The following KIF13A variants were observed in gnomAD, a reference collection of about 807,000 sequenced individuals.
KIF13A encodes kinesin-like protein KIF13A.
A neutral mutation model predicts 212.2 loss-of-function variants in KIF13A; 79 were observed. The observed-to-expected ratio is 0.37, with a 90% CI of 0.31 to 0.45. The LOEUF (loss-of-function observed/expected upper bound fraction) is 0.45. Among genes scored for constraint, KIF13A ranks in the 20% least tolerant of loss-of-function variants. The pLI is 1.00. For synonymous variants in KIF13A, 789 were observed against 808.6 expected, an observed-to-expected ratio of 0.98 and a Z score of 0.41; for missense variants, 1,901 against 2,209.0, an observed-to-expected ratio of 0.86 and a Z score of 2.79.
At chr6:17,939,857 G>A (rs964100372) in intron 2 of KIF13A, among the ~76,000 whole-genome samples, 4 of 151,820 alleles carry the variant, frequency 2.6e-5, no homozygotes, top group Non-Finnish European at 4.4e-5. Flanking sequence ...TTGAGACCAC[G>A]GTGAAACCCC....
chr6:17,803,883 T>C (rs1253470526), intron 20 of KIF13A, among the ~76,000 whole-genome samples: 4 of 152,244 alleles, frequency 2.6e-5, no homozygotes, highest in Admixed American at 1.3e-4. Context: ...CCAGGCACCG[T>C]GGCTCACGCC....
Position 17,843,829 on chromosome 6 carries a change from G to A in KIF13A, c.830+5548C>T, listed in dbSNP as rs140420262. 4.0e-3 allele frequency among the ~76,000 whole-genome samples: 613 copies of A among 152,264 alleles called. 6 individuals carry two copies. The highest frequency in any genetic ancestry group is 0.014 in the African/African-American group (599 of 41,542). ...GGAGGCCGAGGGGGGCACATCACCT[G>A]AGGTCAGGAGTTTGAGACCAGCCTG... On this transcript the variant is annotated intron_variant, in intron 9 of 38. Transcript: ENST00000259711. The surrounding 1 kb of genome is among the most constrained non-coding windows in gnomAD (Gnocchi z 5.3).
chr6:17,876,990 A>G (rs1770619657), intron 3 of KIF13A, among the ~76,000 whole-genome samples: 1 of 152,150 alleles, frequency 6.6e-6, no homozygotes, highest in Admixed American at 6.5e-5. Flanking sequence ...CAGGATCCAT[A>G]TCGAATTCAT....
rs1766072225 is a variant in KIF13A at position 17,837,455 on chromosome 6, C to T, written c.942+17G>A. The T allele has an allele frequency of 2.6e-6, 4 of 1,554,186 alleles. No individual in the cohort carries two copies. The East Asian group carries it at 9.1e-5, about 35-fold the overall frequency. On this transcript the variant is annotated intron_variant, in intron 10 of 38. Coordinates refer to ENST00000259711, the MANE Select transcript of KIF13A (RefSeq NM_022113.6). The surrounding 1 kb of genome is among the most constrained non-coding windows in gnomAD (Gnocchi z 5.4). Reference sequence around the variant, plus strand: ...GCCAATTTTTAGTTGGAAAAGAACACTAGAGCAATGGATTACCTTAAGCAG... The same window carrying T: ...GCCAATTTTTAGTTGGAAAAGAACATTAGAGCAATGGATTACCTTAAGCAG...
intron 4 of KIF13A, among the ~76,000 whole-genome samples, chr6:17,862,509 T>TA (rs1768895858): frequency 6.6e-6 from 1 of 151,954 alleles, no homozygotes; most frequent in African/African-American, 2.4e-5. Flanking sequence ...ATTTCAAAGA[T>TA]AAAAGGAAAA....
rs113806081 is a variant in KIF13A, at chr6:17,920,065, T to C, written c.147-21885A>G. Among the ~76,000 whole-genome samples the C allele has an allele frequency of 7.3e-3, 1,110 of 152,316 alleles. 18 individuals carry two copies. Among genetic ancestry groups the C allele is most frequent in the African/African-American group, 0.025 (1,042 of 41,578 alleles). On this transcript the variant is annotated intron_variant, in intron 2 of 38. Transcript: ENST00000259711. Reference sequence around the variant, plus strand: ...GATTAAGCTTGCTTGGTTTCTGTTTTAGTGTTTTGACCAAAAGGGTGTAAT... The same window carrying C: ...GATTAAGCTTGCTTGGTTTCTGTTTCAGTGTTTTGACCAAAAGGGTGTAAT...
Position 17,763,818 on chromosome 6 carries a change from GA to G in KIF13A, c.*291del. The G allele has an allele frequency of 1.7e-6, 2 of 1,203,272 alleles. No homozygotes were observed. The highest frequency in any genetic ancestry group is 2.1e-6 in the Non-Finnish European group (2 of 965,630). 74.5% of individuals were successfully genotyped at this position (1,203,272 alleles called of 1,614,324 possible). On this transcript the variant is annotated 3_prime_UTR_variant, in exon 39 of 39. Coordinates refer to ENST00000259711, the MANE Select transcript of KIF13A (RefSeq NM_022113.6). ...GGTAGATGCTACCAGAACACTTTGGGAAAACTGGTAACTAAACATCCCAGGG... is the reference window on the plus strand; with the variant it reads ...GGTAGATGCTACCAGAACACTTTGGGAAACTGGTAACTAAACATCCCAGGG...
At chr6:17,964,147 C>T (rs547971779) in intron 2 of KIF13A, among the ~76,000 whole-genome samples, 11 of 152,208 alleles carry the variant, frequency 7.2e-5, no homozygotes, top group African/African-American at 2.6e-4. Flanking sequence ...ACACCCACAC[C>T]TCTCAATAAG....
chr6:17,975,767 C>A (rs1780369974), intron 2 of KIF13A, among the ~76,000 whole-genome samples: 1 of 152,306 alleles, frequency 6.6e-6, no homozygotes, highest in South Asian at 2.1e-4. Flanking sequence ...AGAGTCCACA[C>A]AAACGTTCTC....
chr6:17,945,375 A>C (rs1777296460), intron 2 of KIF13A, among the ~76,000 whole-genome samples: 1 of 152,200 alleles, frequency 6.6e-6, no homozygotes, highest in African/African-American at 2.4e-5. Context: ...AACAGGAAAG[A>C]AACAAGAGGA....
chr6:17,894,584 C>T (rs1772391516), intron 3 of KIF13A, among the ~76,000 whole-genome samples: 1 of 152,040 alleles, frequency 6.6e-6, no homozygotes, highest in Non-Finnish European at 1.5e-5. Context: ...CGCTTGTCCC[C>T]ACTCCCTACT....
intron 12 of KIF13A, among the ~76,000 whole-genome samples, chr6:17,831,546 G>A (rs990133154): frequency 2.0e-5 from 3 of 151,396 alleles, no homozygotes; most frequent in Non-Finnish European, 4.4e-5. Context: ...AAAATGCCAG[G>A]GGCTTCCCAG....
chr6:17,840,544 G>A (rs529104435), intron 9 of KIF13A, among the ~76,000 whole-genome samples: 143 of 151,948 alleles, frequency 9.4e-4, no homozygotes, highest in Non-Finnish European at 1.7e-3. Context: ...TAACTTTATG[G>A]TTGACAGTGA....
At chr6:17,833,182 T>A (rs1378919054) in intron 12 of KIF13A, among the ~76,000 whole-genome samples, 1 of 152,108 alleles carries the variant, frequency 6.6e-6, no homozygotes, top group African/African-American at 2.4e-5. Context: ...TAAAAAGACC[T>A]GACGTCAATG....
chr6:17,959,765 C>T (rs1243741154), intron 2 of KIF13A, among the ~76,000 whole-genome samples: 2 of 152,286 alleles, frequency 1.3e-5, no homozygotes, highest in South Asian at 2.1e-4. Flanking sequence ...GGCTCACGCC[C>T]GTAATCCCAG....
chr6:17,812,204 G>C (rs540774033), intron 17 of KIF13A: 2 of 152,082 alleles, frequency 1.3e-5, no homozygotes, highest in East Asian at 3.9e-4. Context: ...CTTATTTTAG[G>C]TTCAGGGGTA....
chr6:17,971,721 G>A lies in KIF13A; in HGVS notation c.146+15333C>T, dbSNP rs763068516. Among the ~76,000 whole-genome samples the A allele has an allele frequency of 5.3e-5, 8 of 152,046 alleles. No homozygotes were observed. The highest frequency in any genetic ancestry group is 7.2e-5 in the African/African-American group (3 of 41,384). ...ATTACAGGAGTGAGTCACCACGTCC[G>A]GCTTGCTCTTGTTTTAGTGTGATTA... On this transcript the variant is annotated intron_variant, in intron 2 of 38. Coordinates refer to ENST00000259711, the MANE Select transcript of KIF13A (RefSeq NM_022113.6). This position sits in a 1 kb window ranked among gnomAD's most constrained non-coding sequence, Gnocchi z 4.2.
Position 17,984,664 on chromosome 6 carries a change from C to T in KIF13A, c.146+2390G>A, listed in dbSNP as rs1781394838. ...AGACTGAAAACTTTCACCCACTAAC[C>T]TTCAATTTCTATCCATGGCTAATTC... On this transcript the variant is annotated intron_variant, in intron 2 of 38. Transcript: ENST00000259711. This position sits in a 1 kb window ranked among gnomAD's most constrained non-coding sequence, Gnocchi z 5.0. 1 of 375,928 alleles carries T rather than the reference C, an allele frequency of 2.7e-6. No individual in the cohort carries two copies. Among genetic ancestry groups the T allele is most frequent in the African/African-American group, 2.2e-5 (1 of 45,430 alleles). 23.3% of individuals were successfully genotyped at this position (375,928 alleles called of 1,614,324 possible). A position where few individuals can be genotyped will look rare whatever the true frequency, so the allele number is the denominator to read the frequency against.
At chr6:17,952,847 G>A (rs957962427) in intron 2 of KIF13A, among the ~76,000 whole-genome samples, 4 of 151,554 alleles carry the variant, frequency 2.6e-5, no homozygotes, top group African/African-American at 7.3e-5. Context: ...GGAGAGTGGC[G>A]CGAACCCGGG....
Sources: gnomAD v4.1 joint callset for allele counts (sites outside exome capture counted in the v4.1 genomes callset) on GRCh38, gnomAD v4.1.1 for gene constraint, Gnocchi (gnomAD v3.1) non-coding constraint, MANE v1.5 for transcripts, NCBI Gene and HGNC (gene_info 2026-07-23, HGNC 2026-07-21) for gene names.